The following CCSER1 variants were observed in gnomAD, a reference collection of about 807,000 sequenced individuals.
The protein encoded by CCSER1 is serine-rich coiled-coil domain-containing protein 1.
CCSER1 carries 41 observed loss-of-function variants against 82.0 expected under a neutral mutation model. The ratio of observed to expected loss-of-function variants is 0.50; its 90% confidence interval spans 0.39 to 0.65. The LOEUF is 0.65. Among genes scored for constraint, CCSER1 ranks in the 30% least tolerant of loss-of-function variants. The probability of loss-of-function intolerance (pLI) is 0.00; values close to 1 mark genes in which losing one functional copy is unlikely to be tolerated. For synonymous variants in CCSER1, 414 were observed against 383.9 expected, an observed-to-expected ratio of 1.08 and a Z score of -0.92; for missense variants, 1,119 against 1,064.2, an observed-to-expected ratio of 1.05 and a Z score of -0.72.
chr4:91,249,965 G>T (rs1425065357), intron 10 of CCSER1, among the ~76,000 whole-genome samples: 1 of 151,270 alleles, frequency 6.6e-6, no homozygotes, highest in African/African-American at 2.4e-5. Context: ...AAAAAAAACA[G>T]CTTTCTCAGA....
chr4:90,201,405 C>T lies in CCSER1; in HGVS notation c.-42+73574C>T, dbSNP rs147121162. Among the ~76,000 whole-genome samples, 533 of 151,970 alleles carry T rather than the reference C, an allele frequency of 3.5e-3. 2 individuals carry two copies. Among genetic ancestry groups the T allele is most frequent in the Non-Finnish European group, 6.3e-3 (430 of 67,932 alleles). On this transcript the variant is annotated intron_variant, in intron 1 of 10. Transcript: ENST00000509176. The stretch of plus-strand genomic sequence containing the variant: ...AGATGTTATATAATTGAGTAAAATG[C>T]ATAATGTAGGCCAAGACCATTCTGT...
intron 8 of CCSER1, among the ~76,000 whole-genome samples, chr4:90,847,003 A>G (rs2149904906): frequency 6.6e-6 from 1 of 152,312 alleles, no homozygotes; most frequent in Middle Eastern, 3.4e-3. Flanking sequence ...TTAATTCTTT[A>G]CAATGGGGTG....
intron 6 of CCSER1, among the ~76,000 whole-genome samples, chr4:90,656,156 CAATT>C (rs1729664036): frequency 6.6e-6 from 1 of 151,816 alleles, no homozygotes; most frequent in South Asian, 2.1e-4. Flanking sequence ...TTGTTGTTAA[CAATT>C]AATATTTTTG....
At chr4:91,366,791 C>T (rs1365892691) in intron 10 of CCSER1, among the ~76,000 whole-genome samples, 1 of 152,208 alleles carries the variant, frequency 6.6e-6, no homozygotes, top group East Asian at 1.9e-4. Flanking sequence ...CTTTATCCCA[C>T]ACTTTGTAAT....
intron 7 of CCSER1, among the ~76,000 whole-genome samples, chr4:90,738,265 G>C (rs752900957): frequency 7.9e-5 from 12 of 152,044 alleles, no homozygotes; most frequent in African/African-American, 1.2e-4. Flanking sequence ...GGCTTTCCAG[G>C]TATTCAAAGG....
At chr4:90,274,140 A>G (rs1426508418) in intron 1 of CCSER1, among the ~76,000 whole-genome samples, 1 of 152,154 alleles carries the variant, frequency 6.6e-6, no homozygotes. Flanking sequence ...TTCATGTCCA[A>G]ACTCCCTGTC....
intron 5 of CCSER1, among the ~76,000 whole-genome samples, chr4:90,469,538 C>CACACACACACACACACAT (rs1764079205): frequency 6.6e-6 from 1 of 150,796 alleles, no homozygotes; most frequent in African/African-American, 2.4e-5. Context: ...CACACACACA[C>CACACACACACACACACAT]ACACACACAC....
intron 6 of CCSER1, among the ~76,000 whole-genome samples, chr4:90,632,206 C>T (rs1367601848): frequency 6.6e-6 from 1 of 151,988 alleles, no homozygotes; most frequent in African/African-American, 2.4e-5. Context: ...TATTATTTTG[C>T]AATTTTTATT....
chr4:90,619,170 C>A (rs2148867350), intron 5 of CCSER1, among the ~76,000 whole-genome samples: 1 of 151,944 alleles, frequency 6.6e-6, no homozygotes, highest in African/African-American at 2.4e-5. Flanking sequence ...GAACTTCTAG[C>A]AAATTTTGAA....
chr4:90,351,271 C>T (rs1019688855), intron 3 of CCSER1, among the ~76,000 whole-genome samples: 9 of 152,064 alleles, frequency 5.9e-5, no homozygotes, highest in African/African-American at 1.9e-4. Context: ...TTCTAATCAG[C>T]GGGCAAAGAT....
rs1395485734 is a variant in CCSER1, at chr4:91,555,293, T to TATTA, written c.2218-43278_2218-43275dup. 2.0e-5 allele frequency among the ~76,000 whole-genome samples: 3 copies of TATTA among 151,298 alleles called. No homozygotes were observed. The East Asian group carries it at 5.8e-4, about 29-fold the overall frequency. ...TTTTCTATGTGCATTCATTTCTGTT[T>TATTA]ATTACTGCAGTTCAAAAATATTAAT... On this transcript the variant is annotated intron_variant, in intron 10 of 10. Transcript: ENST00000509176.
chr4:90,438,418 T>C (rs768720511), intron 4 of CCSER1, among the ~76,000 whole-genome samples: 1 of 152,164 alleles, frequency 6.6e-6, no homozygotes, highest in South Asian at 2.1e-4. Context: ...GTTCTTATGC[T>C]GCCAAATATT....
intron 7 of CCSER1, among the ~76,000 whole-genome samples, chr4:90,787,351 C>G (rs1363109489): frequency 6.6e-6 from 1 of 152,138 alleles, no homozygotes; most frequent in African/African-American, 2.4e-5. Flanking sequence ...GCAAAGGCCA[C>G]GGAGTTATGA....
intron 1 of CCSER1, among the ~76,000 whole-genome samples, chr4:90,136,968 T>A (rs1343517831): frequency 6.6e-6 from 1 of 152,176 alleles, no homozygotes; most frequent in Non-Finnish European, 1.5e-5. Context: ...TCAATATATT[T>A]TAGAGGTAAC....
chr4:90,817,034 T>C lies in CCSER1; in HGVS notation c.2094+1189T>C, dbSNP rs1055231101. 1.8e-4 allele frequency among the ~76,000 whole-genome samples: 27 copies of C among 152,130 alleles called. 1 individual carries two copies. Among genetic ancestry groups the C allele is most frequent in the Admixed American group, 1.2e-3 (18 of 15,278 alleles). Reference sequence around the variant, plus strand: ...TAGTATCACAGACAAAAGGAACACGTGTTACATTACCAAAATAACCTTTTA... The same window carrying C: ...TAGTATCACAGACAAAAGGAACACGCGTTACATTACCAAAATAACCTTTTA... On this transcript the variant is annotated intron_variant, in intron 8 of 10. Transcript: ENST00000509176.
At chr4:90,173,708 G>A (rs1469451882) in intron 1 of CCSER1, among the ~76,000 whole-genome samples, 1 of 151,884 alleles carries the variant, frequency 6.6e-6, no homozygotes, top group East Asian at 1.9e-4. Context: ...GAAATGCTAG[G>A]CACAAGTTTA....
chr4:90,872,406 CATCTT>C (rs1213891045), intron 8 of CCSER1, among the ~76,000 whole-genome samples: 2 of 151,834 alleles, frequency 1.3e-5, no homozygotes. Flanking sequence ...TTGCAAATAA[CATCTT>C]ATAACAAATT....
chr4:90,225,078 T>G (rs1742889325), intron 1 of CCSER1, among the ~76,000 whole-genome samples: 1 of 151,978 alleles, frequency 6.6e-6, no homozygotes, highest in Non-Finnish European at 1.5e-5. Context: ...TTCTTTTTTA[T>G]TTTTGAGACA....
At chr4:90,861,835 T>C (rs528457220) in intron 8 of CCSER1, among the ~76,000 whole-genome samples, 11 of 150,854 alleles carry the variant, frequency 7.3e-5, no homozygotes, top group African/African-American at 1.9e-4. Flanking sequence ...AGATTAAATG[T>C]AATATTTCAT....
Sources: allele counts gnomAD v4.1 joint callset (sites outside exome capture counted in the v4.1 genomes callset), GRCh38; gene constraint gnomAD v4.1.1; transcripts MANE v1.5; gene names NCBI Gene and HGNC (gene_info 2026-07-23, HGNC 2026-07-21).